NRG1: variants seen among roughly 807,000 people sequenced by gnomAD.
NRG1 encodes pro-neuregulin-1, membrane-bound isoform.
In NRG1, 18 loss-of-function variants were observed where a neutral mutation model predicts 63.8. That is an observed-to-expected ratio of 0.28 (90% CI 0.19 to 0.42). NRG1 has a LOEUF of 0.42. Ranked by LOEUF, NRG1 falls within the 10% of genes least tolerant of loss-of-function variation. The pLI is 1.00. For synonymous variants in NRG1, 302 were observed against 301.3 expected, an observed-to-expected ratio of 1.00 and a Z score of -0.02; for missense variants, 762 against 814.7, an observed-to-expected ratio of 0.94 and a Z score of 0.79.
At chr8:31,865,713 C>T (rs1455381985) in intron 1 of NRG1, among the ~76,000 whole-genome samples, 1 of 152,102 alleles carries the variant, frequency 6.6e-6, no homozygotes, top group East Asian at 1.9e-4. Context: ...TGAGGCCTCT[C>T]TAGCCCTGTG....
intron 1 of NRG1, among the ~76,000 whole-genome samples, chr8:32,283,361 T>C (rs1184356631): frequency 6.6e-6 from 1 of 152,218 alleles, no homozygotes; most frequent in African/African-American, 2.4e-5. Context: ...ACATATAAGC[T>C]AGTTAACATC....
intron 1 of NRG1, among the ~76,000 whole-genome samples, chr8:32,232,530 G>A (rs1360312942): frequency 6.6e-6 from 1 of 152,042 alleles, no homozygotes; most frequent in Non-Finnish European, 1.5e-5. Context: ...GGATATTACT[G>A]GTGCTTCTTC....
At chr8:32,737,474 C>CG (rs1367568822) in intron 6 of NRG1, among the ~76,000 whole-genome samples, 1 of 151,998 alleles carries the variant, frequency 6.6e-6, no homozygotes, top group African/African-American at 2.4e-5. Context: ...TTGCTTGAAT[C>CG]TGGGAGGTAG....
chr8:31,721,168 T>G (rs1177631790), intron 1 of NRG1, among the ~76,000 whole-genome samples: 2 of 152,176 alleles, frequency 1.3e-5, no homozygotes, highest in Non-Finnish European at 2.9e-5. Flanking sequence ...TTGCCAATTT[T>G]TTTTTCTTGA....
chr8:32,581,998 G>A (rs1840722643), intron 1 of NRG1, among the ~76,000 whole-genome samples: 1 of 152,100 alleles, frequency 6.6e-6, no homozygotes, highest in Non-Finnish European at 1.5e-5. Context: ...CATCTGGTGA[G>A]CCCAGGGTAG....
At chr8:32,755,037 A>AT (rs1416529595) in intron 8 of NRG1, among the ~76,000 whole-genome samples, 4 of 152,116 alleles carry the variant, frequency 2.6e-5, no homozygotes, top group African/African-American at 7.2e-5. Flanking sequence ...TATTATTATT[A>AT]TTTTTAAATT....
chr8:31,652,334 A>G (rs955463250), intron 1 of NRG1, among the ~76,000 whole-genome samples: 3 of 152,144 alleles, frequency 2.0e-5, no homozygotes, highest in Non-Finnish European at 2.9e-5. Flanking sequence ...TTATGCATGG[A>G]TTCTTTCCTT....
At chr8:32,717,309 GT>G (rs1416030155) in intron 5 of NRG1, among the ~76,000 whole-genome samples, 1 of 152,100 alleles carries the variant, frequency 6.6e-6, no homozygotes, top group Non-Finnish European at 1.5e-5. Flanking sequence ...TTTGAAACTG[GT>G]TTTATTCCTG....
intron 1 of NRG1, among the ~76,000 whole-genome samples, chr8:32,162,753 G>C (rs1489963702): frequency 6.6e-6 from 1 of 152,042 alleles, no homozygotes; most frequent in Non-Finnish European, 1.5e-5. Flanking sequence ...CCCCAAATTT[G>C]TGCTATCTAC....
chr8:31,685,525 A>G (rs1023611709), intron 1 of NRG1, among the ~76,000 whole-genome samples: 1 of 152,212 alleles, frequency 6.6e-6, no homozygotes, highest in Admixed American at 6.5e-5. Flanking sequence ...ACATTGTCAT[A>G]GAGTCCATCT....
intron 1 of NRG1, among the ~76,000 whole-genome samples, chr8:32,501,625 G>C (rs529127486): frequency 6.6e-6 from 1 of 152,104 alleles, no homozygotes; most frequent in Non-Finnish European, 1.5e-5. Context: ...ACAATACTTA[G>C]TTATCTATTT....
chr8:32,652,993 G>A (rs1288737624), intron 5 of NRG1, among the ~76,000 whole-genome samples: 5 of 152,174 alleles, frequency 3.3e-5, no homozygotes, highest in African/African-American at 4.8e-5. Context: ...AATATAACTT[G>A]TCCACAGAGT....
intron 5 of NRG1, among the ~76,000 whole-genome samples, chr8:32,682,297 C>A (rs1002350516): frequency 6.6e-6 from 1 of 152,052 alleles, no homozygotes; most frequent in Non-Finnish European, 1.5e-5. Flanking sequence ...AGATTTTCAG[C>A]GTTTTAAGTG....
At chr8:32,658,519 G>A (rs1043179401) in intron 5 of NRG1, among the ~76,000 whole-genome samples, 2 of 152,116 alleles carry the variant, frequency 1.3e-5, no homozygotes, top group East Asian at 3.9e-4. Flanking sequence ...CCAGACCTAC[G>A]TATGTTCTGA....
chr8:32,110,781 G>A (rs1261425204), intron 1 of NRG1, among the ~76,000 whole-genome samples: 2 of 152,088 alleles, frequency 1.3e-5, no homozygotes, highest in Admixed American at 1.3e-4. Context: ...TTTCCGCACA[G>A]TCCCCACATT....
At chr8:31,696,980 T>G (rs1810131589) in intron 1 of NRG1, among the ~76,000 whole-genome samples, 1 of 152,168 alleles carries the variant, frequency 6.6e-6, no homozygotes, top group African/African-American at 2.4e-5. Flanking sequence ...TTTAATCCAT[T>G]TTAATTCCTA....
chr8:31,712,861 T>C (rs1475722361), intron 1 of NRG1, among the ~76,000 whole-genome samples: 1 of 152,162 alleles, frequency 6.6e-6, no homozygotes, highest in Non-Finnish European at 1.5e-5. Context: ...AAAGGTGTTC[T>C]CATTAGGTGG....
chr8:32,056,091 A>C (rs1822888189), intron 1 of NRG1, among the ~76,000 whole-genome samples: 1 of 152,172 alleles, frequency 6.6e-6, no homozygotes. Flanking sequence ...TCCAAATTGT[A>C]ATCAGAATGC....
At chr8:32,265,801 C>G (rs959378905) in intron 1 of NRG1, among the ~76,000 whole-genome samples, 2 of 152,028 alleles carry the variant, frequency 1.3e-5, no homozygotes, top group Non-Finnish European at 2.9e-5. Context: ...CATGATTGCA[C>G]CGCTGCACTC....
Sources: allele counts gnomAD v4.1 joint callset (sites outside exome capture counted in the v4.1 genomes callset), GRCh38; gene constraint gnomAD v4.1.1; transcripts MANE v1.5; gene names NCBI Gene and HGNC (gene_info 2026-07-23, HGNC 2026-07-21).